The following PSD3 variants were observed in gnomAD, a reference collection of about 807,000 sequenced individuals.
PSD3 encodes the protein PH and SEC7 domain-containing protein 3.
PSD3 carries 49 observed loss-of-function variants against 105.5 expected under a neutral mutation model. The ratio of observed to expected loss-of-function variants is 0.46; its 90% CI spans 0.37 to 0.59. PSD3 has a LOEUF of 0.59. Ranked by LOEUF, PSD3 falls within the 20% of genes least tolerant of loss-of-function variation. The pLI is 0.00. For missense variants in PSD3, 1,561 were observed against 1,263.8 expected (o/e 1.24, Z -3.57); for synonymous variants, 557 against 457.8 (o/e 1.22, Z -2.77).
In PSD3 at chr8:18,867,787, C is replaced by T. The variant is rs775970493; in HGVS notation, c.1521G>A (p.Val507=). ...SGGGHQDILS[V]SADGGIVMGY... is the part of the protein sequence containing the mutation. The stretch of plus-strand genomic sequence containing the variant: ...CCATCACGATGCCACCATCTGCAGA[C>T]ACACTCAGGATATCCTGATGTCCTC... The change falls in exon 4 of 16, where the codon GTG becomes GTA. Residue 507 remains valine (V), a synonymous_variant. Transcript: ENST00000327040. 1 of 1,614,172 alleles carries T rather than the reference C, an allele frequency of 6.2e-7. No homozygotes were observed. The highest frequency in any genetic ancestry group is 8.5e-7 in the Non-Finnish European group (1 of 1,180,012).
At chr8:18,723,641 C>T (rs1327167797) in intron 9 of PSD3, among the ~76,000 whole-genome samples, 1 of 152,190 alleles carries the variant, frequency 6.6e-6, no homozygotes, top group African/African-American at 2.4e-5. Flanking sequence ...GCCTTCCATA[C>T]ACTAATGGTT....
chr8:18,962,448 AAC>A (rs139143364), intron 1 of PSD3, among the ~76,000 whole-genome samples: 8 of 152,058 alleles, frequency 5.3e-5, no homozygotes, highest in Non-Finnish European at 8.8e-5. Flanking sequence ...AATATATGAC[AAC>A]ACACACACAC....
chr8:18,592,556 C>T (rs1229815154), intron 12 of PSD3, among the ~76,000 whole-genome samples: 2 of 152,012 alleles, frequency 1.3e-5, no homozygotes, highest in African/African-American at 4.8e-5. Context: ...GGACCAATGA[C>T]CAAATTATAA....
At chr8:18,538,420 A>G (rs1305908431) in intron 15 of PSD3, among the ~76,000 whole-genome samples, 1 of 152,238 alleles carries the variant, frequency 6.6e-6, no homozygotes, top group Non-Finnish European at 1.5e-5. Context: ...TCCACAGGAC[A>G]TAAAGATTCT....
At chr8:18,853,069 G>C (rs1434178139) in intron 4 of PSD3, among the ~76,000 whole-genome samples, 1 of 152,134 alleles carries the variant, frequency 6.6e-6, no homozygotes, top group Non-Finnish European at 1.5e-5. Context: ...CAGACTCAGA[G>C]CCACTCTGCT....
chr8:18,623,846 G>A (rs1446967448), intron 11 of PSD3, among the ~76,000 whole-genome samples: 5 of 152,022 alleles, frequency 3.3e-5, no homozygotes, highest in Non-Finnish European at 5.9e-5. Context: ...TTCAATATAT[G>A]AATGTATTCT....
At chr8:18,832,866 A>G (rs1225341009) in intron 4 of PSD3, among the ~76,000 whole-genome samples, 10 of 152,132 alleles carry the variant, frequency 6.6e-5, no homozygotes, top group Admixed American at 5.9e-4. Flanking sequence ...CATAGCTCCC[A>G]TGATTCAATT....
Position 18,572,414 on chromosome 8 carries a change from G to T in PSD3, c.2784+114C>A, listed in dbSNP as rs1802200061. On this transcript the variant is annotated intron_variant, in intron 14 of 15. Coordinates refer to ENST00000327040, the MANE Select transcript of PSD3 (RefSeq NM_015310.4). ...TCATTTATATGATACGCTCTCACAG[G>T]GCAAGGTCTCACACCTGCCCCCAAA... is the stretch of plus-strand genomic sequence containing the variant. The T allele has an allele frequency of 5.4e-6, 7 of 1,292,646 alleles. No homozygotes were observed. The Admixed American group carries it at 1.5e-4, about 27-fold the overall frequency. 80.1% of individuals were successfully genotyped at this position (1,292,646 alleles called of 1,614,324 possible). A position where few individuals can be genotyped will look rare whatever the true frequency, so the allele number is the denominator to read the frequency against.
chr8:18,934,832 T>C (rs1460647406), intron 2 of PSD3, among the ~76,000 whole-genome samples: 2 of 152,198 alleles, frequency 1.3e-5, no homozygotes, highest in African/African-American at 4.8e-5. Flanking sequence ...AATCTAATTC[T>C]CAAGATATGC....
chr8:18,964,880 TCAG>T (rs1824143720), intron 1 of PSD3, among the ~76,000 whole-genome samples: 1 of 152,234 alleles, frequency 6.6e-6, no homozygotes, highest in Non-Finnish European at 1.5e-5. Flanking sequence ...TGTGTGGCCT[TCAG>T]GTCAGACTTT....
At chr8:18,814,162 G>A (rs1046426899) in intron 4 of PSD3, among the ~76,000 whole-genome samples, 1 of 152,168 alleles carries the variant, frequency 6.6e-6, no homozygotes, top group Non-Finnish European at 1.5e-5. Context: ...ATTCCTAAGA[G>A]CTATTTCTCT....
intron 9 of PSD3, among the ~76,000 whole-genome samples, chr8:18,713,653 G>A (rs1334822225): frequency 6.6e-6 from 1 of 152,074 alleles, no homozygotes; most frequent in Non-Finnish European, 1.5e-5. Context: ...ATGAAAAAAC[G>A]TTCTATGCTC....
At chr8:18,567,826 G>C (rs1801888542) in intron 14 of PSD3, among the ~76,000 whole-genome samples, 1 of 152,142 alleles carries the variant, frequency 6.6e-6, no homozygotes, top group African/African-American at 2.4e-5. Flanking sequence ...GATATAGTTT[G>C]GATGCTTGTC....
chr8:18,926,506 T>C (rs1314397374), intron 2 of PSD3, among the ~76,000 whole-genome samples: 1 of 151,992 alleles, frequency 6.6e-6, no homozygotes, highest in Non-Finnish European at 1.5e-5. Flanking sequence ...CAATAAACCA[T>C]AAGCACAGGA....
intron 1 of PSD3, among the ~76,000 whole-genome samples, chr8:19,033,588 A>G (rs1586650478): frequency 7.2e-6 from 1 of 138,158 alleles, no homozygotes; most frequent in East Asian, 2.1e-4. Flanking sequence ...TCCTTGTACC[A>G]TTTATGTTTA....
rs1229107940 is a variant in PSD3, at chr8:18,556,833, A to T, written c.2785-481T>A. On this transcript the variant is annotated intron_variant, in intron 14 of 15. Coordinates refer to ENST00000327040, the MANE Select transcript of PSD3 (RefSeq NM_015310.4). ...CCTTTTTGAAAGAAGCAGAGCTACG[A>T]AGAAAAATTTCTTCTCTGAAGCTTA... Among the ~76,000 whole-genome samples the T allele has an allele frequency of 3.3e-5, 5 of 152,242 alleles. 1 individual carries two copies. The highest frequency in any genetic ancestry group is 1.2e-4 in the African/African-American group (5 of 41,456).
Position 18,535,970 on chromosome 8 carries a change from G to A in PSD3, c.2929-12C>T, listed in dbSNP as rs201406792. 146 of 1,609,794 alleles carry A rather than the reference G, an allele frequency of 9.1e-5. No individual in the cohort carries two copies. The East Asian group carries it at 3.1e-3, about 34-fold the overall frequency. ...TCATAGCGGGTTTTCTGAAGGCAAA[G>A]CCAGAGAACAACGGTAGTCAGAAAA... On this transcript the variant is annotated splice_polypyrimidine_tract_variant and intron_variant, in intron 15 of 15. Transcript: ENST00000327040.
At chr8:19,010,030 C>T (rs1417432219) in intron 1 of PSD3, among the ~76,000 whole-genome samples, 1 of 152,154 alleles carries the variant, frequency 6.6e-6, no homozygotes, top group African/African-American at 2.4e-5. Context: ...ATCCTAAATC[C>T]CTAACTCCAA....
chr8:18,926,108 TG>T (rs1430429699), intron 2 of PSD3, among the ~76,000 whole-genome samples: 1 of 141,400 alleles, frequency 7.1e-6, no homozygotes, highest in Non-Finnish European at 1.5e-5. Flanking sequence ...ATTAATGGTA[TG>T]TTGTTTTTTT....
Sources: allele counts gnomAD v4.1 joint callset (sites outside exome capture counted in the v4.1 genomes callset), GRCh38; gene constraint gnomAD v4.1.1; transcripts MANE v1.5; gene names NCBI Gene and HGNC (gene_info 2026-07-23, HGNC 2026-07-21).